The following ANKFN1 variants were observed in gnomAD, a reference collection of about 807,000 sequenced individuals.
ANKFN1 encodes ankyrin repeat and fibronectin type III domain containing 1, also known as ankyrin repeat and fibronectin type-III domain-containing protein 1.
ANKFN1 carries 74 observed loss-of-function variants against 108.7 expected under a neutral mutation model. The ratio of observed to expected loss-of-function variants is 0.68; its 90% CI spans 0.56 to 0.83. ANKFN1 has a LOEUF of 0.83. Ranked by LOEUF, ANKFN1 falls within the 40% of genes least tolerant of loss-of-function variation. ANKFN1 has a pLI of 0.00. For missense variants in ANKFN1, 1,505 were observed against 1,382.3 expected (o/e 1.09, Z -1.41); for synonymous variants, 547 against 516.2 (o/e 1.06, Z -0.81).
At chr17:56,230,705 G>A (rs1267121776) in intron 3 of ANKFN1, among the ~76,000 whole-genome samples, 1 of 152,080 alleles carries the variant, frequency 6.6e-6, no homozygotes, top group African/African-American at 2.4e-5. Context: ...GTATGGGTGA[G>A]AAAGTTGCCA....
chr17:56,245,038 C>T (rs1917857532), intron 3 of ANKFN1, among the ~76,000 whole-genome samples: 1 of 152,056 alleles, frequency 6.6e-6, no homozygotes, highest in South Asian at 2.1e-4. Flanking sequence ...GAAATTTGCT[C>T]CACATTTTTT....
chr17:56,113,402 T>C (rs1218092895), intron 4 of ANKFN1, among the ~76,000 whole-genome samples: 1 of 152,196 alleles, frequency 6.6e-6, no homozygotes, highest in Non-Finnish European at 1.5e-5. Flanking sequence ...CTGACTTCTT[T>C]AATGAGGCAG....
At chr17:56,286,009 C>CA (rs141243681) in intron 3 of ANKFN1, among the ~76,000 whole-genome samples, 2 of 151,888 alleles carry the variant, frequency 1.3e-5, no homozygotes, top group East Asian at 1.9e-4. Context: ...CTTTCACTTT[C>CA]AAAAAAAATG....
chr17:56,466,079 G>C (rs1233359164), intron 14 of ANKFN1, among the ~76,000 whole-genome samples: 1 of 152,160 alleles, frequency 6.6e-6, no homozygotes, highest in South Asian at 2.1e-4. Context: ...AATATGTACA[G>C]ATACTGAATT....
intron 3 of ANKFN1, among the ~76,000 whole-genome samples, chr17:56,287,955 TGCCA>T (rs2044261488): frequency 6.6e-6 from 1 of 152,152 alleles, no homozygotes; most frequent in Non-Finnish European, 1.5e-5. Flanking sequence ...TTAACACAAT[TGCCA>T]GGCCTTCAGT....
chr17:56,198,625 CT>C (rs1217846689), intron 1 of ANKFN1, among the ~76,000 whole-genome samples: 2 of 152,176 alleles, frequency 1.3e-5, no homozygotes, highest in Non-Finnish European at 2.9e-5. Context: ...ACATTTCACT[CT>C]TTAGTGTATC....
intron 3 of ANKFN1, among the ~76,000 whole-genome samples, chr17:56,249,067 C>T (rs1200875273): frequency 6.6e-6 from 1 of 152,112 alleles, no homozygotes. Flanking sequence ...TAGAACAGCT[C>T]GGGGTATCAT....
chr17:56,438,638 C>T (rs571001769), intron 8 of ANKFN1, among the ~76,000 whole-genome samples: 1 of 152,190 alleles, frequency 6.6e-6, no homozygotes, highest in South Asian at 2.1e-4. Flanking sequence ...CAACTCACTG[C>T]AATCTTGAAC....
intron 1 of ANKFN1, among the ~76,000 whole-genome samples, chr17:56,176,433 T>C (rs1189611049): frequency 1.3e-5 from 2 of 152,248 alleles, no homozygotes; most frequent in Admixed American, 6.5e-5. Flanking sequence ...TTGGATTTGA[T>C]GGATATGCAC....
At chr17:56,098,585 G>A (rs1015136825) in intron 4 of ANKFN1, among the ~76,000 whole-genome samples, 5 of 152,094 alleles carry the variant, frequency 3.3e-5, no homozygotes, top group African/African-American at 1.2e-4. Context: ...ATAAGGGCAG[G>A]CCCTTTGTTT....
chr17:56,431,458 G>A (rs1241023191), intron 8 of ANKFN1, among the ~76,000 whole-genome samples: 1 of 152,096 alleles, frequency 6.6e-6, no homozygotes, highest in African/African-American at 2.4e-5. Context: ...GCTCAGCAAA[G>A]GTATCCCTAT....
At chr17:56,074,561 T>C (rs1027803404) in intron 4 of ANKFN1, among the ~76,000 whole-genome samples, 3 of 152,202 alleles carry the variant, frequency 2.0e-5, no homozygotes, top group African/African-American at 7.2e-5. Context: ...AGGGATTTCA[T>C]AGGGCTGCCC....
chr17:56,207,275 T>C (rs915308528), intron 1 of ANKFN1, among the ~76,000 whole-genome samples: 1 of 152,210 alleles, frequency 6.6e-6, no homozygotes, highest in Admixed American at 6.5e-5. Flanking sequence ...TTGTATCAGA[T>C]ACTCTGAAGC....
chr17:56,250,857 C>T (rs889577897), intron 3 of ANKFN1, among the ~76,000 whole-genome samples: 1 of 152,206 alleles, frequency 6.6e-6, no homozygotes, highest in African/African-American at 2.4e-5. Flanking sequence ...AAACCCATCA[C>T]ATCATTTTAT....
intron 3 of ANKFN1, among the ~76,000 whole-genome samples, chr17:56,303,417 A>T (rs2044728066): frequency 6.6e-6 from 1 of 152,202 alleles, no homozygotes; most frequent in Non-Finnish European, 1.5e-5. Flanking sequence ...TATGTACAAA[A>T]TTCATCTGCT....
At chr17:56,187,718 G>A (rs868186392) in intron 1 of ANKFN1, among the ~76,000 whole-genome samples, 1 of 152,190 alleles carries the variant, frequency 6.6e-6, no homozygotes, top group African/African-American at 2.4e-5. Flanking sequence ...TTAAGAAAAT[G>A]TGGCACATAT....
chr17:56,048,468 C>A (rs373519403), intron 4 of ANKFN1, among the ~76,000 whole-genome samples: 41 of 152,114 alleles, frequency 2.7e-4, no homozygotes, highest in African/African-American at 8.5e-4. Context: ...GCCTGATGCA[C>A]ATTAGATTCT....
intron 4 of ANKFN1, among the ~76,000 whole-genome samples, chr17:56,047,344 C>A (rs1904696702): frequency 6.7e-6 from 1 of 149,806 alleles, no homozygotes; most frequent in Admixed American, 6.7e-5. Context: ...TAGTTCATCT[C>A]CAAGAGAGGG....
intron 4 of ANKFN1, among the ~76,000 whole-genome samples, chr17:56,050,146 T>C (rs1050159277): frequency 6.6e-6 from 1 of 151,672 alleles, no homozygotes; most frequent in Non-Finnish European, 1.5e-5. Context: ...TGGCCAGTGA[T>C]GATGAGCATT....
Sources: allele counts gnomAD v4.1 joint callset (sites outside exome capture counted in the v4.1 genomes callset), GRCh38; gene constraint gnomAD v4.1.1; transcripts MANE v1.5; gene names NCBI Gene and HGNC (gene_info 2026-07-23, HGNC 2026-07-21).